SRFBP1: variants seen among roughly 807,000 people sequenced by gnomAD.
SRFBP1 encodes serum response factor-binding protein 1.
In SRFBP1, 47 loss-of-function variants were observed where a neutral mutation model predicts 45.5. That is an observed-to-expected ratio of 1.03 (90% CI 0.82 to 1.32). The LOEUF (loss-of-function observed/expected upper bound fraction) is 1.32. SRFBP1 is among the 40% of genes most tolerant of loss of function. SRFBP1 has a pLI of 0.00. For synonymous variants in SRFBP1, 203 were observed against 166.3 expected (o/e 1.22, Z -1.70); for missense variants, 621 against 484.6 (o/e 1.28, Z -2.64).
intron 4 of SRFBP1, among the ~76,000 whole-genome samples, chr5:122,002,594 G>T (rs1752892211): frequency 6.6e-6 from 1 of 152,176 alleles, no homozygotes; most frequent in Non-Finnish European, 1.5e-5. Context: ...TTCCTAAGGA[G>T]GAATCATCAG....
intron 2 of SRFBP1, chr5:122,073,963 C>A (rs749252530): frequency 9.0e-6 from 14 of 1,554,846 alleles, no homozygotes; most frequent in Non-Finnish European, 1.1e-5. Flanking sequence ...CGGTAGATGA[C>A]CCGTTTCTCT....
intron 2 of SRFBP1, among the ~76,000 whole-genome samples, chr5:122,049,021 A>G (rs1023242683): frequency 4.0e-5 from 6 of 149,100 alleles, no homozygotes; most frequent in African/African-American, 1.5e-4. Context: ...GATTTTTTGA[A>G]GGGTTTTTTT....
chr5:122,035,616 A>G (rs1397952479), intron 2 of SRFBP1, among the ~76,000 whole-genome samples: 1 of 152,150 alleles, frequency 6.6e-6, no homozygotes, highest in African/African-American at 2.4e-5. Context: ...TTCTATTAGA[A>G]TTTTTAGAGT....
At chr5:122,049,202 CAA>C (rs909354883) in intron 2 of SRFBP1, among the ~76,000 whole-genome samples, 11 of 151,800 alleles carry the variant, frequency 7.2e-5, no homozygotes, top group African/African-American at 2.7e-4. Context: ...AAATGGAAGA[CAA>C]AAAAATGCAG....
intron 2 of SRFBP1, among the ~76,000 whole-genome samples, chr5:122,055,113 C>T (rs1217843647): frequency 2.0e-5 from 3 of 152,142 alleles, no homozygotes; most frequent in Non-Finnish European, 2.9e-5. Context: ...TTCTTTTTCA[C>T]GGTTCTGGAG....
chr5:121,999,827 G>A (rs1668773425), intron 4 of SRFBP1, among the ~76,000 whole-genome samples: 1 of 151,924 alleles, frequency 6.6e-6, no homozygotes, highest in South Asian at 2.1e-4. Context: ...CCATATGTCT[G>A]TGTACTTAAG....
rs572583429 is a variant in SRFBP1, at chr5:122,049,788, C to T, written n.312-25527C>T. On this transcript the variant is annotated intron_variant and non_coding_transcript_variant, in intron 2 of 2. Transcript: ENST00000504881. ...TCCTGAATGACTACTCGGTACATAA[C>T]GAAATGAAGGCAGAAATAAAGATGT... Among the ~76,000 whole-genome samples, 38 of 152,208 alleles carry T rather than the reference C, an allele frequency of 2.5e-4. No individual in the cohort carries two copies. The Middle Eastern group carries it at 0.01, about 41-fold the overall frequency.
At chr5:122,015,282 A>C (rs1477858168) in intron 4 of SRFBP1, among the ~76,000 whole-genome samples, 1 of 152,198 alleles carries the variant, frequency 6.6e-6, no homozygotes, top group Non-Finnish European at 1.5e-5. Context: ...AGAATCTCAA[A>C]TTGTGTTACC....
chr5:122,053,210 A>G (rs1387470240), intron 2 of SRFBP1, among the ~76,000 whole-genome samples: 1 of 152,140 alleles, frequency 6.6e-6, no homozygotes, highest in Non-Finnish European at 1.5e-5. Flanking sequence ...AAGCAGGACC[A>G]TTGAGTTGGA....
intron 2 of SRFBP1, chr5:122,070,348 A>G (rs190696467): frequency 1.5e-5 from 10 of 650,470 alleles, no homozygotes; most frequent in Non-Finnish European, 2.2e-5. Flanking sequence ...TTAAAATAAG[A>G]CAGATTAGAT....
chr5:122,077,878 C>A, downstream of SRFBP1: 10 of 1,535,516 alleles, frequency 6.5e-6, no homozygotes, highest in Non-Finnish European at 8.7e-6. The surrounding 1 kb of genome is among the most constrained non-coding windows in gnomAD (Gnocchi z 4.9). Context: ...CCGGAGCCGC[C>A]GGCGGCTCGC....
chr5:122,047,382 C>T (rs912731654), intron 2 of SRFBP1, among the ~76,000 whole-genome samples: 1 of 152,106 alleles, frequency 6.6e-6, no homozygotes, highest in African/African-American at 2.4e-5. Context: ...TTTCTGAGGT[C>T]TCTGTTCTGT....
At position 122,019,330 on chromosome 5, in the gene SRFBP1, A is replaced by T. The variant is rs75488168; in HGVS notation, c.341A>T (p.Asp114Val). The T allele has an allele frequency of 1.0e-4, 162 of 1,611,974 alleles. No individual in the cohort carries two copies. In the African/African-American group the frequency reaches 2.0e-3, roughly 20 times the overall value. ...CATCCTCTTCTGAAGAAAAAGATAG[A>T]TGTGCTAAAAGGTATGAATTAAATG... ...AVHPLLKKKI[D>V]VLKAAVQAFK... Residue 114 changes from aspartate (D) to valine (V), a missense_variant, in exon 5 of 8, where the codon GAT becomes GTT. Asp to Val is a radical substitution (Grantham distance 152). Transcript: ENST00000339397.
chr5:121,980,897 GC>G (rs1273360153), intron 3 of SRFBP1, among the ~76,000 whole-genome samples: 1 of 152,206 alleles, frequency 6.6e-6, no homozygotes, highest in African/African-American at 2.4e-5. Context: ...TGCTCTCTCA[GC>G]GGATAAAGTA....
rs76531116 is a variant in SRFBP1 at position 122,037,905 on chromosome 5, A to G, written n.311+15498A>G. Among the ~76,000 whole-genome samples the G allele has an allele frequency of 3.0e-3, 462 of 152,264 alleles. 1 individual carries two copies. The highest frequency in any genetic ancestry group is 5.2e-3 in the Non-Finnish European group (353 of 68,012). Reference sequence around the variant, plus strand: ...GCTTTATCAAACCAATTAGTATACAACTAATCTACATTTTCCAACCCCTCT... The same window carrying G: ...GCTTTATCAAACCAATTAGTATACAGCTAATCTACATTTTCCAACCCCTCT... On this transcript the variant is annotated intron_variant and non_coding_transcript_variant, in intron 2 of 2. Coordinates refer to the SRFBP1 transcript ENST00000504881.
At chr5:122,002,007 T>C (rs940240509) in intron 4 of SRFBP1, among the ~76,000 whole-genome samples, 63 of 152,190 alleles carry the variant, frequency 4.1e-4, no homozygotes, top group African/African-American at 1.5e-3. Context: ...AAATACTCAT[T>C]CTTATATTAC....
chr5:122,066,182 C>T (rs1303454586), intron 2 of SRFBP1: 2 of 152,066 alleles, frequency 1.3e-5, no homozygotes, highest in Admixed American at 6.6e-5. Flanking sequence ...TATCTGAGTA[C>T]ATGTATTGCC....
intron 2 of SRFBP1, chr5:122,070,628 G>A (rs781542927): frequency 1.6e-5 from 17 of 1,072,372 alleles, no homozygotes; most frequent in Non-Finnish European, 1.6e-5. Flanking sequence ...ATTATGGTAT[G>A]TGGTCAGACT....
In SRFBP1 at chr5:122,020,709, A is replaced by T; in HGVS notation, c.974A>T (p.Asp325Val). ...GAAGATACAGGTGAAACTCATGGGG[A>T]TACAAGAAATGACAAAATCAAGCCA... ...LKEDTGETHGDTRNDKIKPST... is the reference protein window; with the variant it reads ...LKEDTGETHGVTRNDKIKPST... The change falls in exon 6 of 8, where the codon GAT becomes GTT. Residue 325 changes from aspartate (D) to valine (V), a missense_variant. Transcript: ENST00000339397. 6.2e-7 allele frequency: 1 copy of T among 1,612,862 alleles called. No individual in the cohort carries two copies. Among genetic ancestry groups the T allele is most frequent in the Non-Finnish European group, 8.5e-7 (1 of 1,179,720 alleles).
Sources: allele counts gnomAD v4.1 joint callset (sites outside exome capture counted in the v4.1 genomes callset), GRCh38; gene constraint gnomAD v4.1.1; non-coding constraint Gnocchi (gnomAD v3.1); transcripts MANE v1.5; gene names NCBI Gene and HGNC (gene_info 2026-07-23, HGNC 2026-07-21).